The following PTPRQ variants were observed in gnomAD, a reference collection of about 807,000 sequenced individuals.
PTPRQ encodes protein tyrosine phosphatase receptor type Q.
In PTPRQ, 199 loss-of-function variants were observed where a neutral mutation model predicts 246.0. The observed-to-expected ratio is 0.81, with a 90% confidence interval of 0.72 to 0.91. The LOEUF is 0.91. Ranked by LOEUF, PTPRQ falls within the 40% of genes least tolerant of loss-of-function variation. The pLI is 0.00. For synonymous variants in PTPRQ, 869 were observed against 853.2 expected, an observed-to-expected ratio of 1.02 and a Z score of -0.32; for missense variants, 2,624 against 2,528.4, an observed-to-expected ratio of 1.04 and a Z score of -0.81.
At chr12:80,665,265 T>C (rs1900748918) in intron 39 of PTPRQ, among the ~76,000 whole-genome samples, 1 of 152,018 alleles carries the variant, frequency 6.6e-6, no homozygotes, top group Non-Finnish European at 1.5e-5. Flanking sequence ...TTAATCTCCT[T>C]TGGCAATACC....
intron 8 of PTPRQ, among the ~76,000 whole-genome samples, chr12:80,474,755 A>G (rs765251492): frequency 5.3e-5 from 8 of 152,246 alleles, no homozygotes; most frequent in Non-Finnish European, 1.0e-4. Context: ...GGTAAAAAAA[A>G]TAAGCAGACT....
At chr12:80,451,230 T>C (rs1892758675) in intron 3 of PTPRQ, among the ~76,000 whole-genome samples, 1 of 150,008 alleles carries the variant, frequency 6.7e-6, no homozygotes, top group South Asian at 2.1e-4. Context: ...TAATATCCCC[T>C]TTATCATTTT....
intron 14 of PTPRQ, among the ~76,000 whole-genome samples, chr12:80,503,469 G>A (rs1894863448): frequency 6.6e-6 from 1 of 151,694 alleles, no homozygotes; most frequent in Non-Finnish European, 1.5e-5. Flanking sequence ...TAACAATCAA[G>A]GGGAGGGACA....
At chr12:80,676,835 GT>G (rs1432391712) in intron 43 of PTPRQ, among the ~76,000 whole-genome samples, 1 of 152,134 alleles carries the variant, frequency 6.6e-6, no homozygotes, top group East Asian at 1.9e-4. Flanking sequence ...TGGATGTCCA[GT>G]TTTTTGTCGG....
rs368090643 is a variant in PTPRQ at position 80,444,778 on chromosome 12, A to T, written c.92A>T (p.Asp31Val). The T allele has an allele frequency of 6.5e-7, 1 of 1,540,556 alleles. No homozygotes were observed. Among genetic ancestry groups the T allele is most frequent in the African/African-American group, 1.4e-5 (1 of 72,610 alleles). ...VSNVVPGTRYDITISSISTTY... is the reference protein window; with the variant it reads ...VSNVVPGTRYVITISSISTTY... The stretch of plus-strand genomic sequence containing the variant: ...AATGTCGTTCCTGGTACTAGGTACG[A>T]TATAACCATCTCTTCAATTTCTACA... Residue 31 changes from aspartate to valine, a missense_variant, in exon 2 of 45, where the codon GAT becomes GTT. Asp to Val is a radical substitution (Grantham distance 152). Transcript: ENST00000644991.
intron 24 of PTPRQ, among the ~76,000 whole-genome samples, chr12:80,548,533 A>G (rs1020526308): frequency 3.9e-5 from 6 of 152,116 alleles, no homozygotes; most frequent in African/African-American, 1.4e-4. Context: ...ATAACAGCTC[A>G]GTTTAGACCC....
At chr12:80,663,112 A>G (rs955522528) in intron 39 of PTPRQ, among the ~76,000 whole-genome samples, 2 of 151,898 alleles carry the variant, frequency 1.3e-5, no homozygotes, top group African/African-American at 2.4e-5. Flanking sequence ...GTGACCATAT[A>G]AAGATATATT....
At chr12:80,463,906 C>A (rs914069706) in intron 6 of PTPRQ, among the ~76,000 whole-genome samples, 2 of 151,616 alleles carry the variant, frequency 1.3e-5, no homozygotes, top group Admixed American at 6.6e-5. Flanking sequence ...CCAGCCGCTG[C>A]AAAATCATGC....
rs1006857267 is a variant in PTPRQ at position 80,632,254 on chromosome 12, A to G, written c.5749A>G (p.Ile1917Val). The change falls in exon 34 of 45, where the codon ATA (isoleucine) becomes GTA (valine). Residue 1917 changes from isoleucine to valine, a missense_variant. Physicochemically the swap from Ile to Val is conservative, Grantham distance 29. Transcript: ENST00000644991. Reference sequence around the variant, plus strand: ...TTCCGTCACTTTGTGTATCCTTTCAATAATTCTCCTTGGAACAGCTATTTT... The same window carrying G: ...TTCCGTCACTTTGTGTATCCTTTCAGTAATTCTCCTTGGAACAGCTATTTT... The part of the protein sequence containing the change: ...ILSVTLCILS[I>V]ILLGTAIFAF... 2 of 1,551,414 alleles carry G rather than the reference A, an allele frequency of 1.3e-6. No homozygotes were observed. The highest frequency in any genetic ancestry group is 8.7e-7 in the Non-Finnish European group (1 of 1,146,860).
At position 80,465,863 on chromosome 12, in the gene PTPRQ, A is replaced by T. The variant is rs188750297; in HGVS notation, c.911-2847A>T. Among the ~76,000 whole-genome samples the T allele has an allele frequency of 8.1e-4, 123 of 152,324 alleles. 1 individual carries two copies. The East Asian group carries it at 0.017, about 21-fold the overall frequency. ...AATTGGTGGGACGTATCTCAAAATA[A>T]TAAGAGCTATCTATGACAAACCCAC... On this transcript the variant is annotated intron_variant, in intron 6 of 44. Coordinates refer to ENST00000644991, the MANE Select transcript of PTPRQ (RefSeq NM_001145026.2).
In PTPRQ at chr12:80,506,584, C is replaced by T; in HGVS notation, c.2471C>T (p.Thr824Ile). 2.6e-6 allele frequency: 4 copies of T among 1,533,956 alleles called. No homozygotes were observed. Among genetic ancestry groups the T allele is most frequent in the Non-Finnish European group, 3.5e-6 (4 of 1,134,436 alleles). ...TQNIKVLKKY[T>I]QYIIEVSAST... The stretch of plus-strand genomic sequence containing the variant: ...TTCTCTTTAGTACTGAAGAAATATA[C>T]CCAATATATCATTGAGGTGTCTGCT... Residue 824 changes from threonine (T) to isoleucine (I), a missense_variant, in exon 16 of 45, where the codon ACC becomes ATC. Thr to Ile is a moderately conservative substitution (Grantham distance 89, BLOSUM62 -1). Transcript: ENST00000644991.
intron 35 of PTPRQ, among the ~76,000 whole-genome samples, chr12:80,640,024 A>ATGTGTG (rs770149840): frequency 4.5e-5 from 6 of 134,180 alleles, no homozygotes; most frequent in South Asian, 2.5e-4. Context: ...ATGAAGATAC[A>ATGTGTG]CGTGTGTGTG....
chr12:80,460,734 C>T lies in PTPRQ; in HGVS notation c.742C>T (p.His248Tyr). The T allele has an allele frequency of 2.5e-6, 1 of 400,264 alleles. No individual in the cohort carries two copies. The highest frequency in any genetic ancestry group is 4.4e-6 in the Non-Finnish European group (1 of 226,202). 24.8% of individuals were successfully genotyped at this position (400,264 alleles called of 1,614,324 possible). A position where few individuals can be genotyped will look rare whatever the true frequency, so the allele number is the denominator to read the frequency against. The stretch of plus-strand genomic sequence containing the variant: ...AGTTACACCTCCATCGCGTACCACA[C>T]ATTCATCAAGCACGTTGACACAGAA... ...GRVTPPSRTT[H>Y]SSSTLTQNEI... is the part of the protein sequence containing the mutation. The change falls in exon 6 of 45, where the codon CAT becomes TAT. Residue 248 changes from histidine (H) to tyrosine (Y), a missense_variant. By Grantham distance (83) the His-to-Tyr change is moderately conservative. Coordinates refer to ENST00000644991, the MANE Select transcript of PTPRQ (RefSeq NM_001145026.2).
intron 3 of PTPRQ, among the ~76,000 whole-genome samples, chr12:80,451,128 T>C (rs1005971168): frequency 6.6e-6 from 1 of 152,234 alleles, no homozygotes; most frequent in Non-Finnish European, 1.5e-5. Flanking sequence ...TGTCGAGGAA[T>C]TTATCCATTC....
At chr12:80,523,949 A>G (rs1250431800) in intron 17 of PTPRQ, among the ~76,000 whole-genome samples, 2 of 152,022 alleles carry the variant, frequency 1.3e-5, no homozygotes, top group Non-Finnish European at 2.9e-5. Flanking sequence ...TGATCTGTCT[A>G]ATGTTGACAG....
At chr12:80,610,681 T>C in intron 28 of PTPRQ, 56 bp downstream of exon 28, 2 of 1,527,932 alleles carry the variant, frequency 1.3e-6, no homozygotes, top group Admixed American at 2.0e-5. Flanking sequence ...CTGGCTTTCT[T>C]ACAGTTCATC....
chr12:80,579,362 C>T (rs1286870662), intron 25 of PTPRQ, among the ~76,000 whole-genome samples: 3 of 152,088 alleles, frequency 2.0e-5, no homozygotes, highest in Non-Finnish European at 4.4e-5. Context: ...TTCCTTCAGC[C>T]TAAGATTTTT....
At chr12:80,492,920 G>A (rs1894492552) in intron 9 of PTPRQ, among the ~76,000 whole-genome samples, 1 of 151,934 alleles carries the variant, frequency 6.6e-6, no homozygotes, top group Non-Finnish European at 1.5e-5. Context: ...AGTATGCCTA[G>A]AACACTTACC....
At chr12:80,625,545 A>C (rs923684160) in intron 33 of PTPRQ, among the ~76,000 whole-genome samples, 1 of 152,066 alleles carries the variant, frequency 6.6e-6, no homozygotes, top group Admixed American at 6.6e-5. Flanking sequence ...TATTATTTGG[A>C]GTTTAAAATT....
Sources: allele counts gnomAD v4.1 joint callset (sites outside exome capture counted in the v4.1 genomes callset), GRCh38; gene constraint gnomAD v4.1.1; transcripts MANE v1.5; gene names NCBI Gene and HGNC (gene_info 2026-07-23, HGNC 2026-07-21).